VPS41: variants seen among roughly 807,000 people sequenced by gnomAD.
VPS41 encodes the protein vacuolar protein sorting-associated protein 41 homolog.
In VPS41, 85 loss-of-function variants were observed where a neutral mutation model predicts 130.9. The ratio of observed to expected loss-of-function variants is 0.65; its 90% CI spans 0.55 to 0.78. VPS41 has a LOEUF of 0.78. Among genes scored for constraint, VPS41 ranks in the 30% least tolerant of loss-of-function variants. The pLI is 0.00. For synonymous variants in VPS41, 335 were observed against 332.9 expected, an observed-to-expected ratio of 1.01 and a Z score of -0.07; for missense variants, 874 against 1,018.7, an observed-to-expected ratio of 0.86 and a Z score of 1.93.
chr7:38,824,247 C>T (rs886833739), intron 5 of VPS41, among the ~76,000 whole-genome samples: 1 of 152,196 alleles, frequency 6.6e-6, no homozygotes, highest in African/African-American at 2.4e-5. Flanking sequence ...CTAAATGTGT[C>T]AACATGCTTT....
intron 4 of VPS41, among the ~76,000 whole-genome samples, chr7:38,835,382 G>C (rs1291355962): frequency 2.0e-5 from 3 of 151,756 alleles, no homozygotes; most frequent in Non-Finnish European, 4.4e-5. Context: ...ATAATAAAAT[G>C]CTTTTGATTT....
chr7:38,861,867 A>C (rs1209265562), intron 4 of VPS41, among the ~76,000 whole-genome samples: 1 of 152,190 alleles, frequency 6.6e-6, no homozygotes, highest in African/African-American at 2.4e-5. Context: ...CACAATTAAA[A>C]AAGAAAGCCT....
At chr7:38,766,931 T>C (rs1784056758) in intron 15 of VPS41, among the ~76,000 whole-genome samples, 1 of 152,218 alleles carries the variant, frequency 6.6e-6, no homozygotes, top group Non-Finnish European at 1.5e-5. Flanking sequence ...ATATCTTTAT[T>C]AGCAGTGTGA....
Position 38,741,981 on chromosome 7 carries a change from T to G in VPS41, c.2259+4A>C, listed in dbSNP as rs750138030. On this transcript the variant is annotated splice_donor_region_variant and intron_variant, in intron 25 of 28. Transcript: ENST00000310301. ...TGCTCATTTGTCCAAGAAAGGATAC[T>G]TACTTGCAAATTGTAGTCTTGCAGA... 1.2e-6 allele frequency: 2 copies of G among 1,612,814 alleles called. No individual in the cohort carries two copies. Among genetic ancestry groups the G allele is most frequent in the African/African-American group, 2.7e-5 (2 of 74,892 alleles).
intron 10 of VPS41, among the ~76,000 whole-genome samples, chr7:38,786,076 G>A (rs921792000): frequency 5.9e-5 from 9 of 152,172 alleles, no homozygotes; most frequent in Admixed American, 2.0e-4. Flanking sequence ...TTCTGCAGTG[G>A]TCTGTATCTG....
chr7:38,851,306 G>A (rs568529846), intron 4 of VPS41, among the ~76,000 whole-genome samples: 1 of 152,264 alleles, frequency 6.6e-6, no homozygotes, highest in African/African-American at 2.4e-5. Context: ...TTACCCCATA[G>A]GGCATTTAAT....
intron 5 of VPS41, among the ~76,000 whole-genome samples, chr7:38,826,597 T>C (rs115978007): frequency 6.6e-6 from 1 of 152,124 alleles, no homozygotes; most frequent in African/African-American, 2.4e-5. Context: ...AATTTACATA[T>C]ATTAACTCAT....
intron 1 of VPS41, among the ~76,000 whole-genome samples, chr7:38,904,020 C>T (rs12112000): frequency 0.02 from 3,050 of 152,190 alleles, 104 homozygotes; most frequent in African/African-American, 0.068. Context: ...TAGCTAATAC[C>T]CACTAACACA....
At chr7:38,844,233 G>A (rs1385617925) in intron 4 of VPS41, among the ~76,000 whole-genome samples, 2 of 152,202 alleles carry the variant, frequency 1.3e-5, no homozygotes, top group African/African-American at 4.8e-5. Context: ...TTTCAAACTA[G>A]CTGCAGTGCT....
chr7:38,767,713 C>T (rs1784076233), intron 14 of VPS41, 115 bp from the exon 15 acceptor site: 2 of 555,054 alleles, frequency 3.6e-6, no homozygotes, highest in Admixed American at 6.1e-5. Flanking sequence ...CTGACTATAA[C>T]CTGTTTATAC....
At chr7:38,821,161 T>C in intron 6 of VPS41, 42 bp downstream of exon 6, 2 of 1,504,880 alleles carry the variant, frequency 1.3e-6, no homozygotes, top group Non-Finnish European at 1.8e-6. Context: ...TTGCCTTACT[T>C]GAGAAAACCC....
rs1795477581 is a variant in VPS41 at position 38,723,545 on chromosome 7, G to A, written c.*2701C>T. On this transcript the variant is annotated 3_prime_UTR_variant, in exon 29 of 29. Coordinates refer to ENST00000310301, the MANE Select transcript of VPS41 (RefSeq NM_014396.4). ...TCGAGACCAGCTTGGGCAACATGGT[G>A]AAACCTCATCTCTACCAAAGTACAA... 6.6e-6 allele frequency: 1 copy of A among 151,302 alleles called. No individual in the cohort carries two copies. Among genetic ancestry groups the A allele is most frequent in the Admixed American group, 6.6e-5 (1 of 15,146 alleles). 9.4% of individuals were successfully genotyped at this position (151,302 alleles called of 1,614,324 possible).
intron 4 of VPS41, among the ~76,000 whole-genome samples, chr7:38,843,859 C>G (rs1410832591): frequency 6.6e-6 from 1 of 152,066 alleles, no homozygotes. Context: ...GATTTATAAG[C>G]AGAAGGGGTA....
At chr7:38,752,818 A>G (rs571242510) in intron 21 of VPS41, among the ~76,000 whole-genome samples, 10 of 152,304 alleles carry the variant, frequency 6.6e-5, no homozygotes, top group Admixed American at 5.9e-4. Context: ...ACAAGCACAT[A>G]TTCTTAAAAA....
chr7:38,850,656 T>C (rs568390118), intron 4 of VPS41, among the ~76,000 whole-genome samples: 4 of 152,284 alleles, frequency 2.6e-5, no homozygotes, highest in Non-Finnish European at 4.4e-5. Flanking sequence ...TTAATTCTTC[T>C]GATTTTGAGC....
chr7:38,803,901 C>T (rs1784786055), intron 7 of VPS41, among the ~76,000 whole-genome samples: 1 of 152,210 alleles, frequency 6.6e-6, no homozygotes, highest in African/African-American at 2.4e-5. Context: ...CCACCAACAG[C>T]TCTACTGTGT....
intron 2 of VPS41, among the ~76,000 whole-genome samples, chr7:38,880,101 T>C (rs1378382986): frequency 2.6e-5 from 4 of 152,192 alleles, no homozygotes; most frequent in Non-Finnish European, 1.5e-5. Flanking sequence ...TTTGTAAGAA[T>C]TAAATGCAAT....
intron 4 of VPS41, among the ~76,000 whole-genome samples, chr7:38,836,830 C>T (rs181375928): frequency 6.6e-6 from 1 of 152,266 alleles, no homozygotes. Flanking sequence ...AAAAAGGATA[C>T]TCTACTCATC....
In VPS41 at chr7:38,723,036, T is replaced by C. The variant is rs994148248; in HGVS notation, c.*3210A>G. On this transcript the variant is annotated 3_prime_UTR_variant, in exon 29 of 29. Coordinates refer to ENST00000310301, the MANE Select transcript of VPS41 (RefSeq NM_014396.4). ...TTATAATAAAGCAAGCTAAAGAAAA[T>C]AGTAAGAAAATCATAAGGAAAAGAA... is the stretch of plus-strand genomic sequence containing the variant. 3.9e-5 allele frequency: 6 copies of C among 152,092 alleles called. No individual in the cohort carries two copies. The highest frequency in any genetic ancestry group is 1.4e-4 in the African/African-American group (6 of 41,406). The allele number at this position is 152,092 out of a possible 1,614,324, so 9.4% of individuals were successfully genotyped here.
Sources: gnomAD v4.1 joint callset for allele counts (sites outside exome capture counted in the v4.1 genomes callset) on GRCh38, gnomAD v4.1.1 for gene constraint, MANE v1.5 for transcripts, NCBI Gene and HGNC (gene_info 2026-07-23, HGNC 2026-07-21) for gene names.